Variants in STK3 observed in about 807,000 individuals in gnomAD.
STK3 encodes serine/threonine-protein kinase 3.
In STK3, 41 loss-of-function variants were observed where a neutral mutation model predicts 58.0. The observed-to-expected ratio is 0.71, with a 90% CI of 0.55 to 0.92. The LOEUF (loss-of-function observed/expected upper bound fraction) is 0.92. STK3 is among the 40% of genes least tolerant of loss of function. STK3 has a pLI of 0.00. For missense variants in STK3, 479 were observed against 602.7 expected (o/e 0.79, Z 2.15); for synonymous variants, 170 against 191.0 (o/e 0.89, Z 0.91).
intron 6 of STK3, among the ~76,000 whole-genome samples, chr8:98,701,992 A>C (rs1446729266): frequency 6.6e-6 from 1 of 152,198 alleles, no homozygotes; most frequent in East Asian, 1.9e-4. Context: ...CTCCTGTTTA[A>C]AAGCTTTATA....
intron 10 of STK3, among the ~76,000 whole-genome samples, chr8:98,517,850 T>C (rs1413389952): frequency 6.6e-6 from 1 of 152,082 alleles, no homozygotes; most frequent in Non-Finnish European, 1.5e-5. Flanking sequence ...ACATCTCTTT[T>C]GATGTAATCA....
chr8:98,431,003 T>C (rs1818317974), intron 3 of STK3: 1 of 167,118 alleles, frequency 6.0e-6, no homozygotes, highest in Non-Finnish European at 1.5e-5. Flanking sequence ...GGTAATCTGA[T>C]GGTTTTCCAG....
intron 10 of STK3, among the ~76,000 whole-genome samples, chr8:98,486,938 A>G (rs943850603): frequency 1.3e-5 from 2 of 152,162 alleles, no homozygotes; most frequent in African/African-American, 4.8e-5. Flanking sequence ...TTTTGTTTAG[A>G]CTGTTTGCAT....
intron 1 of STK3, among the ~76,000 whole-genome samples, chr8:98,797,060 A>C (rs1403091576): frequency 6.6e-6 from 1 of 152,220 alleles, no homozygotes; most frequent in Admixed American, 6.5e-5. Flanking sequence ...CCAGCCACTG[A>C]CATCTTTTCC....
chr8:98,751,273 A>G (rs2131364242), intron 3 of STK3, among the ~76,000 whole-genome samples: 1 of 152,332 alleles, frequency 6.6e-6, no homozygotes, highest in Admixed American at 6.5e-5. Flanking sequence ...GGCAAGAGAA[A>G]GAAATAAAGG....
chr8:98,407,239 G>A (rs146287446), intron 3 of STK3, among the ~76,000 whole-genome samples: 22 of 152,300 alleles, frequency 1.4e-4, no homozygotes, highest in African/African-American at 2.9e-4. Context: ...AAAGGTTGTC[G>A]CCCTGGAGTC....
intron 6 of STK3, among the ~76,000 whole-genome samples, chr8:98,642,937 A>G (rs1320185152): frequency 6.6e-6 from 1 of 152,210 alleles, no homozygotes. Flanking sequence ...TAAAAGAACA[A>G]TTAGGCTAGG....
At chr8:98,781,174 G>A (rs1249266247) in intron 1 of STK3, among the ~76,000 whole-genome samples, 2 of 152,168 alleles carry the variant, frequency 1.3e-5, no homozygotes, top group East Asian at 3.8e-4. Context: ...CCCTGCCATC[G>A]CCCAGGCTTT....
the STK3 span, among the ~76,000 whole-genome samples, chr8:98,346,824 A>G: frequency 6.6e-6 from 1 of 152,082 alleles, no homozygotes; most frequent in Admixed American, 6.5e-5. Context: ...GGCAGAAAAA[A>G]AAAAGATACC....
chr8:98,768,255 G>A lies in STK3; in HGVS notation c.108-884C>T, dbSNP rs903560629. On this transcript the variant is annotated intron_variant, in intron 2 of 10. Transcript: ENST00000419617. ...TAAAAGATGAGAAACAGACCAGTAG[G>A]GCCAGAATTCAAACACATTCCCACC... is the stretch of plus-strand genomic sequence containing the variant. Among the ~76,000 whole-genome samples the A allele has an allele frequency of 3.9e-5, 6 of 151,982 alleles. 1 individual carries two copies. The highest frequency in any genetic ancestry group is 1.5e-4 in the African/African-American group (6 of 41,358).
chr8:98,871,044 T>C (rs1837357106), intron 3 of STK3, among the ~76,000 whole-genome samples: 1 of 152,236 alleles, frequency 6.6e-6, no homozygotes, highest in Non-Finnish European at 1.5e-5. Context: ...GGGGATCCAG[T>C]TTCAGCTTTC....
At chr8:98,893,426 GAAAGAAAGAAAGAAA>G (rs1838283538) in intron 1 of STK3, among the ~76,000 whole-genome samples, 8 of 48,904 alleles carry the variant, frequency 1.6e-4, no homozygotes, top group Admixed American at 4.5e-4. Context: ...AGGAAGGAAA[GAAAGAAAGAAAGAAA>G]GAAAGAAAGA....
rs1424746727 is a variant in STK3 at position 98,645,727 on chromosome 8, G to A, written c.685-49558C>T. 2.0e-5 allele frequency among the ~76,000 whole-genome samples: 3 copies of A among 152,040 alleles called. No homozygotes were observed. In the East Asian group the frequency reaches 5.8e-4, roughly 29 times the overall value. On this transcript the variant is annotated intron_variant, in intron 6 of 10. Transcript: ENST00000419617. ...ATAGAAAAATGAGTAAATACAACTT[G>A]AAGAATAACTATGTAATGAGATTTC...
At chr8:98,797,225 T>C (rs1833236691) in intron 1 of STK3, among the ~76,000 whole-genome samples, 1 of 152,250 alleles carries the variant, frequency 6.6e-6, no homozygotes, top group African/African-American at 2.4e-5. Flanking sequence ...TTGCTGCTAG[T>C]GGGTGGTTTC....
chr8:98,739,083 G>C (rs1353817299), intron 4 of STK3, among the ~76,000 whole-genome samples: 1 of 152,240 alleles, frequency 6.6e-6, no homozygotes, highest in Non-Finnish European at 1.5e-5. Flanking sequence ...AAACAAAGCA[G>C]CCGGGAAGCT....
intron 1 of STK3, among the ~76,000 whole-genome samples, chr8:98,922,454 C>T (rs1839601426): frequency 6.6e-6 from 1 of 152,130 alleles, no homozygotes; most frequent in Non-Finnish European, 1.5e-5. Context: ...TTTCTATTAC[C>T]TGCATTTGAA....
chr8:98,679,592 T>G (rs904216900), intron 6 of STK3, among the ~76,000 whole-genome samples: 1 of 152,182 alleles, frequency 6.6e-6, no homozygotes, highest in African/African-American at 2.4e-5. Context: ...AAAGAGAAAT[T>G]TTTACCTTTG....
chr8:98,428,705 G>T lies in STK3; in HGVS notation n.483+5422C>A, dbSNP rs1396923471. The stretch of plus-strand genomic sequence containing the variant: ...GCATTGCCTGGTTCACATTTGAGCT[G>T]GTGGCCAGGTTTGCTGTGGCCCCTG... On this transcript the variant is annotated intron_variant and non_coding_transcript_variant, in intron 3 of 3. Coordinates refer to the STK3 transcript ENST00000517832. The surrounding 1 kb of genome is among the most constrained non-coding windows in gnomAD (Gnocchi z 6.7). 6.2e-7 allele frequency: 1 copy of T among 1,614,080 alleles called. No homozygotes were observed. Among genetic ancestry groups the T allele is most frequent in the Non-Finnish European group, 8.5e-7 (1 of 1,180,042 alleles).
chr8:98,731,457 C>T (rs1370383916), intron 4 of STK3, among the ~76,000 whole-genome samples: 1 of 152,118 alleles, frequency 6.6e-6, no homozygotes, highest in Non-Finnish European at 1.5e-5. Flanking sequence ...CAGTGGCTCA[C>T]GCCTGCAATC....
Sources: gnomAD v4.1 joint callset for allele counts (sites outside exome capture counted in the v4.1 genomes callset) on GRCh38, gnomAD v4.1.1 for gene constraint, Gnocchi (gnomAD v3.1) non-coding constraint, MANE v1.5 for transcripts, NCBI Gene and HGNC (gene_info 2026-07-23, HGNC 2026-07-21) for gene names.